Variants in FBLN2 observed in about 807,000 individuals in gnomAD.
The protein encoded by FBLN2 is fibulin-2.
FBLN2 carries 81 observed loss-of-function variants against 123.7 expected under a neutral mutation model. The observed-to-expected ratio is 0.65, with a 90% CI of 0.55 to 0.79. The LOEUF (loss-of-function observed/expected upper bound fraction) is 0.79, where lower values mean the gene tolerates loss of function less well. Among genes scored for constraint, FBLN2 ranks in the 30% least tolerant of loss-of-function variants. FBLN2 has a pLI of 0.00. For synonymous variants in FBLN2, 699 were observed against 701.4 expected (o/e 1.00, Z 0.05); for missense variants, 1,603 against 1,681.3 (o/e 0.95, Z 0.81).
intron 2 of FBLN2, among the ~76,000 whole-genome samples, chr3:13,591,928 A>G (rs1011699094): frequency 1.3e-5 from 2 of 151,966 alleles, no homozygotes; most frequent in African/African-American, 4.8e-5. Context: ...ATGTGTTGAA[A>G]AGGCCATCTT....
At chr3:13,562,989 G>T (rs1354114993) in intron 1 of FBLN2, among the ~76,000 whole-genome samples, 1 of 152,192 alleles carries the variant, frequency 6.6e-6, no homozygotes, top group East Asian at 1.9e-4. Context: ...TGATAATGTT[G>T]CATTGTATGG....
intron 9 of FBLN2, among the ~76,000 whole-genome samples, chr3:13,624,136 C>T (rs1705945547): frequency 6.6e-6 from 1 of 152,204 alleles, no homozygotes; most frequent in African/African-American, 2.4e-5. Context: ...TGCAGCAGTG[C>T]TTGAATGATG....
intron 2 of FBLN2, among the ~76,000 whole-genome samples, chr3:13,579,763 C>T (rs1370265583): frequency 1.3e-5 from 2 of 152,260 alleles, no homozygotes; most frequent in Non-Finnish European, 2.9e-5. Flanking sequence ...AGCATCTCTA[C>T]ACCATGCCCC....
At chr3:13,637,522 G>T in intron 17 of FBLN2, 40 bp from the exon 18 acceptor site, 1 of 1,528,926 alleles carries the variant, frequency 6.5e-7, no homozygotes, top group East Asian at 2.3e-5. Context: ...GATGAGGGGG[G>T]TGGGCGAGCT....
intron 2 of FBLN2, among the ~76,000 whole-genome samples, chr3:13,597,802 G>T (rs766185160): frequency 6.6e-6 from 1 of 152,244 alleles, no homozygotes; most frequent in Non-Finnish European, 1.5e-5. Flanking sequence ...CAAGGGTTGT[G>T]CTCACCCTGC....
At chr3:13,572,623 C>T (rs551358398) in intron 2 of FBLN2, among the ~76,000 whole-genome samples, 3 of 152,378 alleles carry the variant, frequency 2.0e-5, no homozygotes, top group East Asian at 1.9e-4. Context: ...GGCTGGTAGG[C>T]GGCCCAGGCC....
intron 1 of FBLN2, among the ~76,000 whole-genome samples, chr3:13,550,967 T>A (rs1703306096): frequency 6.6e-6 from 1 of 152,194 alleles, no homozygotes; most frequent in Non-Finnish European, 1.5e-5. Context: ...ATTTCCGTCT[T>A]CTCTTGAAAA....
intron 2 of FBLN2, among the ~76,000 whole-genome samples, chr3:13,572,595 G>C (rs912778443): frequency 6.6e-6 from 1 of 152,262 alleles, no homozygotes; most frequent in Non-Finnish European, 1.5e-5. Context: ...GATAGGGACC[G>C]GCCCAAGGCT....
chr3:13,630,876 C>T, intron 15 of FBLN2, 61 bp downstream of exon 15: 1 of 1,329,148 alleles, frequency 7.5e-7, no homozygotes, highest in Non-Finnish European at 1.1e-6. Context: ...TTGTGCCAGG[C>T]TCCCCGAGAG....
At chr3:13,614,374 G>C (rs1219065399) in intron 5 of FBLN2, among the ~76,000 whole-genome samples, 1 of 151,970 alleles carries the variant, frequency 6.6e-6, no homozygotes, top group Non-Finnish European at 1.5e-5. Flanking sequence ...CCCTTTCACT[G>C]TCCACTCACC....
At chr3:13,572,390 G>A (rs1703992672) in intron 2 of FBLN2, among the ~76,000 whole-genome samples, 1 of 152,222 alleles carries the variant, frequency 6.6e-6, no homozygotes, top group South Asian at 2.1e-4. Context: ...TATGTACGCT[G>A]TTTCACCAGT....
At chr3:13,586,783 A>G (rs141520791) in intron 2 of FBLN2, among the ~76,000 whole-genome samples, 37 of 148,488 alleles carry the variant, frequency 2.5e-4, no homozygotes, top group African/African-American at 8.4e-4. Flanking sequence ...TGCTGGGATT[A>G]TGGGATGGAG....
At chr3:13,600,040 AGAGAGC>A (rs1370996697) in intron 2 of FBLN2, among the ~76,000 whole-genome samples, 14 of 139,540 alleles carry the variant, frequency 1.0e-4, no homozygotes, top group Admixed American at 6.4e-4. Flanking sequence ...AGAGAGAGAG[AGAGAGC>A]GAGAGAGAGA....
At position 13,629,170 on chromosome 3, in the gene FBLN2, A is replaced by G. The variant is rs1456128728; in HGVS notation, c.2720A>G (p.Asn907Ser). ...CCCTGCTCACCCCCCACAGACGTGA[A>G]TGAGTGTGAGACAGGTGTGCACCGC... ...SDDGTKCVDV[N>S]ECETGVHRCG... Residue 907 changes from asparagine (N) to serine (S), a missense_variant, in exon 13 of 18, where the codon AAT becomes AGT. By Grantham distance (46) the Asn-to-Ser change is conservative. Transcript: ENST00000404922. 2 of 1,613,110 alleles carry G rather than the reference A, an allele frequency of 1.2e-6. No homozygotes were observed. The highest frequency in any genetic ancestry group is 1.7e-5 in the Admixed American group (1 of 60,008).
intron 4 of FBLN2, 50 bp downstream of exon 4, chr3:13,609,692 G>GCGGGGT: frequency 2.0e-6 from 1 of 508,392 alleles, no homozygotes; most frequent in African/African-American, 2.0e-5. Flanking sequence ...GGCGGGGCGG[G>GCGGGGT]AGGCTGGCCT....
chr3:13,587,985 C>G (rs1481806660), intron 2 of FBLN2, among the ~76,000 whole-genome samples: 1 of 152,242 alleles, frequency 6.6e-6, no homozygotes, highest in Non-Finnish European at 1.5e-5. Context: ...CTCCAACCAC[C>G]TTGGGCACAA....
intron 1 of FBLN2, among the ~76,000 whole-genome samples, chr3:13,567,161 A>T (rs1703772255): frequency 1.4e-5 from 2 of 144,200 alleles, no homozygotes. Context: ...TGTGCCGGTG[A>T]GCAGAGCAAG....
chr3:13,596,968 G>A (rs1182226899), intron 2 of FBLN2, among the ~76,000 whole-genome samples: 4 of 151,826 alleles, frequency 2.6e-5, no homozygotes, highest in African/African-American at 9.7e-5. Context: ...GTCTTGCTCT[G>A]TTGCCCAGGC....
intron 1 of FBLN2, among the ~76,000 whole-genome samples, chr3:13,551,871 A>C: frequency 7.3e-6 from 1 of 136,910 alleles, no homozygotes; most frequent in Non-Finnish European, 1.5e-5. Flanking sequence ...TAAAGACAGG[A>C]TCTCGTCCTG....
Sources: gnomAD v4.1 joint callset for allele counts (sites outside exome capture counted in the v4.1 genomes callset) on GRCh38, gnomAD v4.1.1 for gene constraint, MANE v1.5 for transcripts, NCBI Gene and HGNC (gene_info 2026-07-23, HGNC 2026-07-21) for gene names.